RPS6KC1: variants seen among roughly 807,000 people sequenced by gnomAD.
RPS6KC1 encodes the protein ribosomal protein S6 kinase C1, also known as inactive ribosomal protein S6 kinase delta-1.
A neutral mutation model predicts 103.8 loss-of-function variants in RPS6KC1; 54 were observed. The ratio of observed to expected loss-of-function variants is 0.52; its 90% CI spans 0.42 to 0.65. The LOEUF is 0.65. Ranked by LOEUF, RPS6KC1 falls within the 30% of genes least tolerant of loss-of-function variation. The pLI is 0.00. For synonymous variants in RPS6KC1, 439 were observed against 438.7 expected (o/e 1.00, Z -0.01); for missense variants, 1,151 against 1,253.8 (o/e 0.92, Z 1.24).
chr1:213,820,173 T>A, the RPS6KC1 span: 1 of 152,206 alleles, frequency 6.6e-6, no homozygotes, highest in Non-Finnish European at 1.5e-5. Context: ...CTCCTAGTTA[T>A]CCTCCATTTC....
rs191221019 is a variant in RPS6KC1, at chr1:213,206,888, G to A, written c.1045-23609G>A. 5.8e-3 allele frequency among the ~76,000 whole-genome samples: 876 copies of A among 152,208 alleles called. 10 individuals carry two copies. The highest frequency in any genetic ancestry group is 0.017 in the African/African-American group (723 of 41,532). ...AGCACTTTGGGAGGCCAAGGTGGGCGGATCACGAGGTCAGGAGTTTGAGAC... is the reference window on the plus strand; with the variant it reads ...AGCACTTTGGGAGGCCAAGGTGGGCAGATCACGAGGTCAGGAGTTTGAGAC... On this transcript the variant is annotated intron_variant, in intron 8 of 14. Coordinates refer to ENST00000366960, the MANE Select transcript of RPS6KC1 (RefSeq NM_012424.6).
chr1:213,601,916 C>T, the RPS6KC1 span, among the ~76,000 whole-genome samples: 4 of 132,504 alleles, frequency 3.0e-5, no homozygotes, highest in African/African-American at 8.3e-5. Context: ...CCTTCCCTTC[C>T]CTCCCTCCCT....
At chr1:213,176,314 T>G in intron 7 of RPS6KC1, 86 bp from the exon 8 acceptor site, 1 of 687,622 alleles carries the variant, frequency 1.5e-6, no homozygotes, top group Admixed American at 2.3e-5. Context: ...GAATTTACTT[T>G]CCTTTGGCCT....
At chr1:213,823,484 C>A in the RPS6KC1 span, among the ~76,000 whole-genome samples, 1 of 152,138 alleles carries the variant, frequency 6.6e-6, no homozygotes, top group African/African-American at 2.4e-5. Context: ...TGCTTGAAAA[C>A]CTTGAGCCAG....
chr1:213,793,648 T>G, the RPS6KC1 span, among the ~76,000 whole-genome samples: 1 of 152,152 alleles, frequency 6.6e-6, no homozygotes, highest in Non-Finnish European at 1.5e-5. Flanking sequence ...AGCATGTCAG[T>G]CAAGACTAAC....
chr1:213,166,290 A>T (rs191225127), intron 6 of RPS6KC1, among the ~76,000 whole-genome samples: 5 of 152,350 alleles, frequency 3.3e-5, no homozygotes, highest in African/African-American at 9.6e-5. Context: ...ATCTGAAATG[A>T]GAAGAGCTAA....
intron 4 of RPS6KC1, among the ~76,000 whole-genome samples, chr1:213,110,264 T>C (rs1315769950): frequency 6.6e-6 from 1 of 152,228 alleles, no homozygotes; most frequent in Admixed American, 6.5e-5. Context: ...TACTTTCCTG[T>C]GTCTTTGTAT....
chr1:213,761,576 C>G, the RPS6KC1 span, among the ~76,000 whole-genome samples: 2 of 152,322 alleles, frequency 1.3e-5, no homozygotes, highest in South Asian at 4.1e-4. Context: ...ACTGCACTGT[C>G]CACACACTTT....
the RPS6KC1 span, among the ~76,000 whole-genome samples, chr1:213,833,846 A>C: frequency 0.094 from 14,324 of 152,140 alleles, 806 homozygotes; most frequent in South Asian, 0.19. Flanking sequence ...GTGGGTGGAA[A>C]ACTTTTGAGT....
the RPS6KC1 span, among the ~76,000 whole-genome samples, chr1:213,483,249 AC>A: frequency 6.6e-6 from 1 of 151,932 alleles, no homozygotes; most frequent in African/African-American, 2.4e-5. Context: ...GAGGGTAACC[AC>A]CCCCATGATT....
At position 213,091,391 on chromosome 1, in the gene RPS6KC1, A is replaced by T. The variant is rs371295294; in HGVS notation, c.263-13063A>T. ...GAGTGTTTTAATACCTTTTTCAGAT[A>T]ATTAAAGGTATTCTTTGATACACCA... On this transcript the variant is annotated intron_variant, in intron 3 of 14. Coordinates refer to ENST00000366960, the MANE Select transcript of RPS6KC1 (RefSeq NM_012424.6). 1.2e-4 allele frequency among the ~76,000 whole-genome samples: 18 copies of T among 152,178 alleles called. No homozygotes were observed. In the East Asian group the frequency reaches 2.9e-3, roughly 24 times the overall value.
chr1:213,397,292 T>C, the RPS6KC1 span, among the ~76,000 whole-genome samples: 7 of 152,234 alleles, frequency 4.6e-5, no homozygotes, highest in South Asian at 1.5e-3. Flanking sequence ...GCTTTTCTTA[T>C]GTTTTGTCCC....
the RPS6KC1 span, among the ~76,000 whole-genome samples, chr1:213,738,341 T>G: frequency 6.6e-6 from 1 of 152,068 alleles, no homozygotes; most frequent in African/African-American, 2.4e-5. Context: ...TATAAACCCA[T>G]ATCAAAAAGA....
chr1:213,819,550 A>T, the RPS6KC1 span: 5 of 152,238 alleles, frequency 3.3e-5, no homozygotes, highest in African/African-American at 4.8e-5. Flanking sequence ...AAGAGCACTG[A>T]TGGGACCTCA....
At chr1:213,097,793 C>G (rs896680106) in intron 3 of RPS6KC1, among the ~76,000 whole-genome samples, 3 of 152,192 alleles carry the variant, frequency 2.0e-5, no homozygotes, top group African/African-American at 7.2e-5. Context: ...GCTGCTTCAC[C>G]TTGCACTTTT....
the RPS6KC1 span, among the ~76,000 whole-genome samples, chr1:213,777,212 G>A: frequency 6.6e-6 from 1 of 152,180 alleles, no homozygotes; most frequent in African/African-American, 2.4e-5. Context: ...ACTGTTTGGT[G>A]TAAGATGCCT....
chr1:213,441,452 T>C, the RPS6KC1 span, among the ~76,000 whole-genome samples: 2 of 152,256 alleles, frequency 1.3e-5, no homozygotes, highest in African/African-American at 4.8e-5. Flanking sequence ...TTTGTCTTTC[T>C]GTGCCTGGCT....
intron 12 of RPS6KC1, among the ~76,000 whole-genome samples, chr1:213,258,570 T>G (rs2094706135): frequency 1.3e-5 from 2 of 152,198 alleles, no homozygotes; most frequent in Admixed American, 1.3e-4. Context: ...GTGTGTTGGT[T>G]GAATGAATAT....
the RPS6KC1 span, among the ~76,000 whole-genome samples, chr1:213,583,792 G>A: frequency 7.5e-6 from 1 of 132,876 alleles, no homozygotes; most frequent in Non-Finnish European, 1.5e-5. Context: ...TTGCACTCCA[G>A]CCTGGGTGGC....
Sources: gnomAD v4.1 joint callset for allele counts (sites outside exome capture counted in the v4.1 genomes callset) on GRCh38, gnomAD v4.1.1 for gene constraint, MANE v1.5 for transcripts, NCBI Gene and HGNC (gene_info 2026-07-23, HGNC 2026-07-21) for gene names.